The following NPTXR variants were observed in gnomAD, a reference collection of about 807,000 sequenced individuals.
NPTXR encodes the protein neuronal pentraxin receptor.
NPTXR carries 12 observed loss-of-function variants against 32.2 expected under a neutral mutation model. That is an observed-to-expected ratio of 0.37 (90% CI 0.24 to 0.60). NPTXR has a LOEUF of 0.60. NPTXR is among the 20% of genes least tolerant of loss of function. The pLI is 0.66. For missense variants in NPTXR, 612 were observed against 682.9 expected (o/e 0.90, Z 1.16); for synonymous variants, 323 against 315.8 (o/e 1.02, Z -0.24).
chr22:38,839,644 CAAAAAGAA>C (rs916017891), intron 1 of NPTXR, among the ~76,000 whole-genome samples: 2 of 144,208 alleles, frequency 1.4e-5, no homozygotes, highest in Non-Finnish European at 3.0e-5. Flanking sequence ...GACTTTGTCT[CAAAAAGAA>C]AAAAAAAAAA....
intron 1 of NPTXR, among the ~76,000 whole-genome samples, chr22:38,837,438 A>G (rs2093125650): frequency 6.6e-6 from 1 of 152,260 alleles, no homozygotes; most frequent in African/African-American, 2.4e-5. Context: ...CAGGGGAACC[A>G]GTGCCCACTA....
rs866466540 is a variant in NPTXR, at chr22:38,843,449, G to A, written c.410C>T (p.Ala137Val). 1.5e-6 allele frequency: 2 copies of A among 1,366,092 alleles called. No homozygotes were observed. Among genetic ancestry groups the A allele is most frequent in the Non-Finnish European group, 1.9e-6 (2 of 1,065,604 alleles). 84.6% of individuals were successfully genotyped at this position (1,366,092 alleles called of 1,614,324 possible). A position where few individuals can be genotyped will look rare whatever the true frequency, so the allele number is the denominator to read the frequency against. ...GCGGATGCGCGCCTCCTGCTGCAGC[G>A]CCGTCTGGCGCAGCTGCTCGGCCGT... is the stretch of plus-strand genomic sequence containing the variant. The change falls in exon 1 of 5, where the codon GCG (alanine) becomes GTG (valine). Residue 137 changes from alanine to valine, a missense_variant. Coordinates refer to ENST00000333039, the MANE Select transcript of NPTXR (RefSeq NM_014293.4). The surrounding 1 kb of genome is among the most constrained non-coding windows in gnomAD (Gnocchi z 5.3).
At chr22:38,838,559 G>A (rs995576246) in intron 1 of NPTXR, among the ~76,000 whole-genome samples, 7 of 144,852 alleles carry the variant, frequency 4.8e-5, no homozygotes, top group Admixed American at 6.9e-5. Flanking sequence ...CACAGGCACC[G>A]CCCTCACCTG....
chr22:38,823,028 G>T, intron 4 of NPTXR, 55 bp downstream of exon 4: 1 of 1,593,614 alleles, frequency 6.3e-7, no homozygotes, highest in Non-Finnish European at 8.6e-7. Flanking sequence ...CTGGCCCTCA[G>T]TCTGCCCATC....
intron 1 of NPTXR, among the ~76,000 whole-genome samples, chr22:38,836,924 C>T (rs980345662): frequency 1.3e-5 from 2 of 152,180 alleles, no homozygotes; most frequent in Non-Finnish European, 2.9e-5. Context: ...AAGCGATTCT[C>T]CTGCCTCAGC....
chr22:38,841,224 C>A (rs911254655), intron 1 of NPTXR, among the ~76,000 whole-genome samples: 4 of 152,248 alleles, frequency 2.6e-5, no homozygotes, highest in African/African-American at 7.2e-5. Context: ...GCTGTTGCCA[C>A]GCTCAGAAAG....
At chr22:38,828,154 C>T in intron 2 of NPTXR, 133 bp downstream of exon 2, 2 of 679,178 alleles carry the variant, frequency 2.9e-6, no homozygotes, top group East Asian at 2.6e-5. Flanking sequence ...ATTCTCTCCA[C>T]TGTGTGTTCC....
At chr22:38,827,487 A>G (rs899370582) in intron 2 of NPTXR, among the ~76,000 whole-genome samples, 12 of 150,704 alleles carry the variant, frequency 8.0e-5, no homozygotes, top group Non-Finnish European at 8.9e-5. Flanking sequence ...GCCCACCTCA[A>G]CCTCCCAAAG....
Position 38,843,709 on chromosome 22 carries a change from G to A in NPTXR, c.150C>T (p.Ala50=), listed in dbSNP as rs2093135497. 44 of 993,602 alleles carry A rather than the reference G, an allele frequency of 4.4e-5. No homozygotes were observed. The highest frequency in any genetic ancestry group is 1.2e-4 in the Admixed American group (2 of 16,198). The allele number at this position is 993,602 out of a possible 1,614,324, so 61.5% of individuals were successfully genotyped here. The change falls in exon 1 of 5, where the codon GCC becomes GCT. Residue 50 remains alanine, a synonymous_variant. Transcript: ENST00000333039. The surrounding 1 kb of genome is among the most constrained non-coding windows in gnomAD (Gnocchi z 5.3). ...GGCTCCGCTGCGGGCCCGGGGACGC[G>A]GCGGCGCCCGAGGCGACCGAAGCAT...
In NPTXR at chr22:38,843,383, C is replaced by T; in HGVS notation, c.476G>A (p.Gly159Asp). ...GCGCGGCAGGCCGCTCTCGCAGCGG[C>T]CCAGCTTGCCGGTGAGCTCACGGAT... The change falls in exon 1 of 5, where the codon GGC (glycine) becomes GAC (aspartate). Residue 159 changes from glycine to aspartate, a missense_variant. Transcript: ENST00000333039. The surrounding 1 kb of genome is among the most constrained non-coding windows in gnomAD (Gnocchi z 5.3). 7.1e-7 allele frequency: 1 copy of T among 1,410,778 alleles called. No homozygotes were observed. The highest frequency in any genetic ancestry group is 1.5e-5 in the South Asian group (1 of 66,458). 87.4% of individuals were successfully genotyped at this position (1,410,778 alleles called of 1,614,324 possible).
chr22:38,835,927 C>T (rs529564224), intron 1 of NPTXR, among the ~76,000 whole-genome samples: 16 of 152,208 alleles, frequency 1.1e-4, no homozygotes, highest in African/African-American at 3.4e-4. Flanking sequence ...CCTGGGGAGA[C>T]GCCCCCCCGC....
At chr22:38,838,641 G>A (rs888985960) in intron 1 of NPTXR, among the ~76,000 whole-genome samples, 7 of 142,708 alleles carry the variant, frequency 4.9e-5, no homozygotes, top group African/African-American at 1.9e-4. Flanking sequence ...GAGTGCAGTG[G>A]CAAGATCTCG....
rs1178392169 is a variant in NPTXR, at chr22:38,843,602, G to C, written c.257C>G (p.Pro86Arg). The stretch of plus-strand genomic sequence containing the variant: ...GAAGCGGCTGAACAGGGGCCCGGGC[G>C]GCAGCGGGTGCGCGCTGGCCGCGGG... The change falls in exon 1 of 5, where the codon CCG (proline) becomes CGG (arginine). Residue 86 changes from proline to arginine, a missense_variant. By Grantham distance (103) the Pro-to-Arg change is moderately radical. Transcript: ENST00000333039. The surrounding 1 kb of genome is among the most constrained non-coding windows in gnomAD (Gnocchi z 5.3). The C allele has an allele frequency of 8.5e-7, 1 of 1,182,052 alleles. No individual in the cohort carries two copies. The highest frequency in any genetic ancestry group is 1.0e-6 in the Non-Finnish European group (1 of 956,770). The allele number at this position is 1,182,052 out of a possible 1,614,324, so 73.2% of individuals were successfully genotyped here.
In NPTXR at chr22:38,823,107, C is replaced by T. The variant is rs1463975196; in HGVS notation, c.1254G>A (p.Gly418=). 1.9e-6 allele frequency: 3 copies of T among 1,614,186 alleles called. No homozygotes were observed. The highest frequency in any genetic ancestry group is 8.5e-7 in the Non-Finnish European group (1 of 1,180,026). Residue 418 remains glycine (G), a synonymous_variant, in exon 4 of 5, where the codon GGG becomes GGA. Coordinates refer to ENST00000333039, the MANE Select transcript of NPTXR (RefSeq NM_014293.4). ...CCTGCTCCTGGCCCAAGATAAGGATCCCATGAGGCTTGATGGGGTGCCAGG... is the reference window on the plus strand; with the variant it reads ...CCTGCTCCTGGCCCAAGATAAGGATTCCATGAGGCTTGATGGGGTGCCAGG...
At chr22:38,830,883 A>C (rs867691741) in intron 1 of NPTXR, among the ~76,000 whole-genome samples, 2 of 148,440 alleles carry the variant, frequency 1.3e-5, no homozygotes, top group East Asian at 2.0e-4. Context: ...ACCATTATCC[A>C]CCCCCCCCAC....
At chr22:38,833,952 C>T (rs1432814707) in intron 1 of NPTXR, among the ~76,000 whole-genome samples, 1 of 152,142 alleles carries the variant, frequency 6.6e-6, no homozygotes, top group East Asian at 1.9e-4. Flanking sequence ...GGTTCTTGAG[C>T]CTGGGCAGGG....
chr22:38,839,367 A>G (rs1298782870), intron 1 of NPTXR, among the ~76,000 whole-genome samples: 2 of 152,234 alleles, frequency 1.3e-5, no homozygotes. Context: ...AATATTGGCC[A>G]GGCACAGTGG....
rs1358060128 is a variant in NPTXR, at chr22:38,823,217, T to C, written c.1144A>G (p.Ile382Val). ...TCCCTTGTGGTCCAGGCGATGCAGA[T>C]GTGGTGCCAGCCATTGTCCTTCAGG... The change falls in exon 4 of 5, where the codon ATC (isoleucine) becomes GTC (valine). Residue 382 changes from isoleucine (I) to valine (V), a missense_variant. Ile to Val is a conservative substitution (Grantham distance 29). Coordinates refer to ENST00000333039, the MANE Select transcript of NPTXR (RefSeq NM_014293.4). 6.2e-7 allele frequency: 1 copy of C among 1,613,736 alleles called. No individual in the cohort carries two copies. The highest frequency in any genetic ancestry group is 8.5e-7 in the Non-Finnish European group (1 of 1,180,018).
At chr22:38,822,861 AG>A in intron 4 of NPTXR, 28 bp from the exon 5 acceptor site, 1 of 1,594,596 alleles carries the variant, frequency 6.3e-7, no homozygotes, top group African/African-American at 1.3e-5. Context: ...CAGAGAAAGG[AG>A]AGGCATGGAG....
Sources: gnomAD v4.1 joint callset for allele counts (sites outside exome capture counted in the v4.1 genomes callset) on GRCh38, gnomAD v4.1.1 for gene constraint, Gnocchi (gnomAD v3.1) non-coding constraint, MANE v1.5 for transcripts, NCBI Gene and HGNC (gene_info 2026-07-23, HGNC 2026-07-21) for gene names.